The following SETBP1 variants were observed in gnomAD, a reference collection of about 807,000 sequenced individuals.
The protein encoded by SETBP1 is SET-binding protein.
SETBP1 carries 9 observed loss-of-function variants against 101.0 expected under a neutral mutation model. The observed-to-expected ratio is 0.09, with a 90% CI of 0.05 to 0.16. The LOEUF is 0.16. SETBP1 is among the 10% of genes least tolerant of loss of function. SETBP1 has a pLI of 1.00. For missense variants in SETBP1, 1,858 were observed against 2,033.8 expected (o/e 0.91, Z 1.66); for synonymous variants, 818 against 788.5 (o/e 1.04, Z -0.63).
intron 3 of SETBP1, among the ~76,000 whole-genome samples, chr18:44,873,213 C>T (rs762508222): frequency 2.0e-5 from 3 of 152,212 alleles, no homozygotes; most frequent in Non-Finnish European, 4.4e-5. Flanking sequence ...CCCAGCTATA[C>T]ACAGACCCTT....
intron 3 of SETBP1, among the ~76,000 whole-genome samples, chr18:44,887,534 G>T (rs1411115219): frequency 6.6e-6 from 1 of 152,168 alleles, no homozygotes; most frequent in Non-Finnish European, 1.5e-5. Flanking sequence ...CCTTAGAGCA[G>T]AGAAGGCAGC....
At chr18:44,926,231 C>A (rs908895759) in intron 3 of SETBP1, among the ~76,000 whole-genome samples, 3 of 152,058 alleles carry the variant, frequency 2.0e-5, no homozygotes, top group Non-Finnish European at 2.9e-5. Context: ...CTGTTCCTGG[C>A]CGAAGTGTCG....
At chr18:44,706,086 T>A (rs1230342434) in intron 2 of SETBP1, among the ~76,000 whole-genome samples, 5 of 152,174 alleles carry the variant, frequency 3.3e-5, no homozygotes, top group Non-Finnish European at 7.3e-5. Context: ...GCTCAGAAGC[T>A]ACTTCGGGGC....
intron 4 of SETBP1, among the ~76,000 whole-genome samples, chr18:45,003,962 A>G (rs763830934): frequency 1.9e-4 from 29 of 152,126 alleles, no homozygotes; most frequent in Non-Finnish European, 3.7e-4. Flanking sequence ...CAATGTCTGG[A>G]GATACATTTA....
chr18:44,797,951 T>C (rs2071518502), intron 2 of SETBP1, among the ~76,000 whole-genome samples: 1 of 152,156 alleles, frequency 6.6e-6, no homozygotes. Context: ...GGTGGATTCA[T>C]GTTGGGCTTG....
chr18:44,747,299 A>AACTATAGGCTC (rs2070277530), intron 2 of SETBP1, among the ~76,000 whole-genome samples: 1 of 152,250 alleles, frequency 6.6e-6, no homozygotes, highest in Non-Finnish European at 1.5e-5. Flanking sequence ...TATTTAGAAC[A>AACTATAGGCTC]ACTATAGGCT....
intron 2 of SETBP1, among the ~76,000 whole-genome samples, chr18:44,736,164 C>T (rs1316323826): frequency 1.3e-5 from 2 of 152,102 alleles, no homozygotes; most frequent in African/African-American, 4.8e-5. Context: ...GCAGGAGAAT[C>T]GCTTGAACCC....
chr18:45,038,915 T>C (rs111273471), intron 5 of SETBP1, among the ~76,000 whole-genome samples: 63 of 152,332 alleles, frequency 4.1e-4, no homozygotes, highest in African/African-American at 1.5e-3. Context: ...GAGTAGCAAC[T>C]AAATGCTAAC....
chr18:44,952,037 G>A lies in SETBP1; in HGVS notation c.2697G>A (p.Leu899=). The change falls in exon 4 of 6, where the codon CTG becomes CTA. Residue 899 remains leucine, a synonymous_variant. Transcript: ENST00000649279. ...GGTACTCTTTTGATTTCTGCTCCCT[G>A]GACAACCCGGAGGCCATTCCGTCCG... ...RRRYSFDFCS[L]DNPEAIPSDT... 6.2e-7 allele frequency: 1 copy of A among 1,614,048 alleles called. No homozygotes were observed. Among genetic ancestry groups the A allele is most frequent in the Non-Finnish European group, 8.5e-7 (1 of 1,180,028 alleles).
intron 2 of SETBP1, among the ~76,000 whole-genome samples, chr18:44,788,008 T>TTTTTTTC (rs2071282355): frequency 6.6e-6 from 1 of 151,588 alleles, no homozygotes; most frequent in Admixed American, 6.6e-5. Context: ...TGGAGTTTTT[T>TTTTTTTC]TTTTTTCTTC....
chr18:45,000,849 A>G (rs1025771690), intron 4 of SETBP1, among the ~76,000 whole-genome samples: 41 of 150,812 alleles, frequency 2.7e-4, no homozygotes, highest in African/African-American at 9.1e-4. Context: ...TGTACTAGAC[A>G]GAGTGCATGC....
At chr18:44,855,751 A>C (rs76365305) in intron 2 of SETBP1, among the ~76,000 whole-genome samples, 2,715 of 152,360 alleles carry the variant, frequency 0.018, 32 homozygotes, top group Non-Finnish European at 0.025. Flanking sequence ...CTGGTTAGTT[A>C]CAGTTACTCT....
chr18:44,689,195 TA>T (rs1402411037), intron 1 of SETBP1, among the ~76,000 whole-genome samples: 2 of 152,192 alleles, frequency 1.3e-5, no homozygotes, highest in South Asian at 4.1e-4. Context: ...AGCTTTGGCA[TA>T]GGGGCAGCAG....
chr18:44,866,058 G>A (rs1008810140), intron 2 of SETBP1, among the ~76,000 whole-genome samples: 7 of 152,214 alleles, frequency 4.6e-5, no homozygotes, highest in African/African-American at 1.7e-4. Context: ...TTCAACCAGT[G>A]CAAGGGGTGA....
chr18:45,054,592 A>G (rs1433600460), intron 5 of SETBP1, among the ~76,000 whole-genome samples: 1 of 152,186 alleles, frequency 6.6e-6, no homozygotes, highest in Non-Finnish European at 1.5e-5. Context: ...AATATTCATG[A>G]TGCACCTTAC....
chr18:44,706,053 A>G (rs2069209718), intron 2 of SETBP1, among the ~76,000 whole-genome samples: 2 of 152,200 alleles, frequency 1.3e-5, no homozygotes, highest in Non-Finnish European at 2.9e-5. Context: ...AGCATTTGGT[A>G]GGAAGTAGAG....
chr18:44,927,699 C>G (rs1315902478), intron 3 of SETBP1, among the ~76,000 whole-genome samples: 1 of 152,144 alleles, frequency 6.6e-6, no homozygotes, highest in South Asian at 2.1e-4. Context: ...CAGTTATTGT[C>G]ACTGTGGTTA....
chr18:44,734,533 G>A (rs1350592519), intron 2 of SETBP1, among the ~76,000 whole-genome samples: 2 of 152,152 alleles, frequency 1.3e-5, no homozygotes, highest in African/African-American at 2.4e-5. Context: ...TCTCTTACCA[G>A]TTTCTGACTT....
intron 5 of SETBP1, among the ~76,000 whole-genome samples, chr18:45,042,146 CTTTT>C (rs556269689): frequency 2.4e-5 from 2 of 82,676 alleles, no homozygotes; most frequent in Non-Finnish European, 2.3e-5. Flanking sequence ...CTTGAAACTG[CTTTT>C]TTTTTTTTTT....
Sources: allele counts gnomAD v4.1 joint callset (sites outside exome capture counted in the v4.1 genomes callset), GRCh38; gene constraint gnomAD v4.1.1; transcripts MANE v1.5; gene names NCBI Gene and HGNC (gene_info 2026-07-23, HGNC 2026-07-21).